TCF12: variants seen among roughly 807,000 people sequenced by gnomAD.
TCF12 encodes transcription factor 12.
A neutral mutation model predicts 86.0 loss-of-function variants in TCF12; 45 were observed. That is an observed-to-expected ratio of 0.52 (90% CI 0.41 to 0.67). The LOEUF (loss-of-function observed/expected upper bound fraction) is 0.67. Ranked by LOEUF, TCF12 falls within the 30% of genes least tolerant of loss-of-function variation. The probability of loss-of-function intolerance (pLI) is 0.00; values close to 1 mark genes in which losing one functional copy is unlikely to be tolerated. For synonymous variants in TCF12, 330 were observed against 299.6 expected (o/e 1.10, Z -1.05); for missense variants, 881 against 859.9 (o/e 1.02, Z -0.31).
chr15:57,063,710 T>G (rs2068632279), intron 3 of TCF12, 40 bp from the exon 4 acceptor site: 2 of 1,549,872 alleles, frequency 1.3e-6, no homozygotes, highest in South Asian at 1.2e-5. Flanking sequence ...TCCACAAAAG[T>G]ATGTTTTTAG....
intron 7 of TCF12, among the ~76,000 whole-genome samples, chr15:57,197,312 A>G (rs2057320902): frequency 6.6e-6 from 1 of 151,420 alleles, no homozygotes; most frequent in Non-Finnish European, 1.5e-5. Flanking sequence ...GCCCGCCACC[A>G]CGGCCAGTTA....
At chr15:57,064,573 T>G (rs2068708953) in intron 4 of TCF12, among the ~76,000 whole-genome samples, 1 of 151,908 alleles carries the variant, frequency 6.6e-6, no homozygotes. Context: ...GGCAGGTGGA[T>G]CACTACAAGT....
At chr15:57,075,828 C>CTCTCTT (rs1555498754) in intron 4 of TCF12, among the ~76,000 whole-genome samples, 2 of 71,300 alleles carry the variant, frequency 2.8e-5, no homozygotes, top group African/African-American at 6.5e-5. Flanking sequence ...CTCTCTCTCT[C>CTCTCTT]TCTCTCTTTT....
chr15:57,209,487 G>A (rs1414983050), intron 8 of TCF12, among the ~76,000 whole-genome samples: 2 of 152,204 alleles, frequency 1.3e-5, no homozygotes, highest in East Asian at 3.9e-4. Flanking sequence ...AATAAGTTAC[G>A]GTTTCATTGA....
Position 57,277,630 on chromosome 15 carries a change from A to C in TCF12, c.1978+4368A>C, listed in dbSNP as rs1258491293. 2.7e-5 allele frequency among the ~76,000 whole-genome samples: 4 copies of C among 150,542 alleles called. No homozygotes were observed. In the East Asian group the frequency reaches 7.8e-4, roughly 29 times the overall value. On this transcript the variant is annotated intron_variant, in intron 19 of 20. Transcript: ENST00000333725. Reference sequence around the variant, plus strand: ...GCGACAGAGTGAGACTCCATCTCAAAAAAAAAAAAAAAAAAAATTAAGTTG... The same window carrying C: ...GCGACAGAGTGAGACTCCATCTCAACAAAAAAAAAAAAAAAAATTAAGTTG...
intron 3 of TCF12, among the ~76,000 whole-genome samples, chr15:56,984,584 A>G (rs1430427132): frequency 3.3e-5 from 5 of 152,166 alleles, no homozygotes; most frequent in Admixed American, 3.3e-4. Context: ...CGGTCATAGC[A>G]CAGTATAGTT....
Position 57,091,841 on chromosome 15 carries a change from G to C in TCF12, c.275G>C (p.Gly92Ala), listed in dbSNP as rs1431436611. 6.2e-7 allele frequency: 1 copy of C among 1,613,728 alleles called. No individual in the cohort carries two copies. The highest frequency in any genetic ancestry group is 8.5e-7 in the Non-Finnish European group (1 of 1,179,836). The change falls in exon 5 of 21, where the codon GGA (glycine) becomes GCA (alanine). Residue 92 changes from glycine (G) to alanine (A), a missense_variant. Transcript: ENST00000333725. Reference sequence around the variant, plus strand: ...GATCACTTGAATGACAGTCGATTAGGAGCCCATGAAGGCTTGTCCCCAACA... The same window carrying C: ...GATCACTTGAATGACAGTCGATTAGCAGCCCATGAAGGCTTGTCCCCAACA... The part of the protein sequence containing the change: ...YSDHLNDSRL[G>A]AHEGLSPTPF...
rs16977212 is a variant in TCF12, at chr15:57,039,492, C to T, written c.149-24258C>T. ...ACCATTTGTGGAATTCAATTCATAC[C>T]TCTCCATCTACTTCAGCAAATGTTT... On this transcript the variant is annotated intron_variant, in intron 3 of 20. Transcript: ENST00000333725. Among the ~76,000 whole-genome samples, 619 of 152,256 alleles carry T rather than the reference C, an allele frequency of 4.1e-3. 7 individuals are homozygous for T. Among genetic ancestry groups the T allele is most frequent in the Admixed American group, 0.022 (335 of 15,284 alleles).
chr15:57,014,732 T>G (rs2065045081), intron 3 of TCF12, among the ~76,000 whole-genome samples: 2 of 152,144 alleles, frequency 1.3e-5, no homozygotes, highest in Non-Finnish European at 1.5e-5. Flanking sequence ...ACTCAGATTC[T>G]TCTGCAGGGT....
At position 57,158,184 on chromosome 15, in the gene TCF12, G is replaced by GTTTTTTTTTTTTTTTTTTTTT. The variant is rs374179677; in HGVS notation, c.326-8215_326-8214insTTTTTTTTTTTTTTTTTTTTT. On this transcript the variant is annotated intron_variant, in intron 5 of 20. Coordinates refer to ENST00000333725, the MANE Select transcript of TCF12 (RefSeq NM_207037.2). ...ACAGATGTTAAAGTCTCAGAAAGTC[G>GTTTTTTTTTTTTTTTTTTTTT]TTTCTTTTTTTTTTTTTTCTTTGAG... 4.5e-5 allele frequency among the ~76,000 whole-genome samples: 6 copies of GTTTTTTTTTTTTTTTTTTTTT among 134,086 alleles called. 1 individual carries two copies. Among genetic ancestry groups the GTTTTTTTTTTTTTTTTTTTTT allele is most frequent in the Non-Finnish European group, 4.8e-5 (3 of 62,334 alleles). 88.0% of individuals were successfully genotyped at this position (134,086 alleles called of 152,430 possible).
intron 4 of TCF12, among the ~76,000 whole-genome samples, chr15:57,081,158 G>A (rs1420684135): frequency 6.6e-6 from 1 of 152,128 alleles, no homozygotes; most frequent in East Asian, 1.9e-4. Flanking sequence ...TTGTTTTGTT[G>A]TTGCATTTTC....
intron 3 of TCF12, among the ~76,000 whole-genome samples, chr15:57,021,409 TTGG>T (rs2065472087): frequency 2.0e-5 from 3 of 152,136 alleles, no homozygotes; most frequent in Admixed American, 2.0e-4. Context: ...TCCCAGCACT[TTGG>T]GAGGCCCAGG....
At chr15:57,061,269 C>G (rs945118276) in intron 3 of TCF12, among the ~76,000 whole-genome samples, 2 of 152,010 alleles carry the variant, frequency 1.3e-5, no homozygotes, top group Non-Finnish European at 1.5e-5. Context: ...ACCCATCTTT[C>G]CTCTCTCTCT....
intron 3 of TCF12, among the ~76,000 whole-genome samples, chr15:56,966,706 A>G (rs1299743830): frequency 6.6e-6 from 1 of 152,252 alleles, no homozygotes; most frequent in Admixed American, 6.5e-5. Context: ...TCACATAGCA[A>G]AATTTGAGAA....
At chr15:57,078,444 T>C (rs990949783) in intron 4 of TCF12, among the ~76,000 whole-genome samples, 1 of 152,148 alleles carries the variant, frequency 6.6e-6, no homozygotes, top group Non-Finnish European at 1.5e-5. Flanking sequence ...GGTTATTCAG[T>C]TTATTAATAT....
chr15:56,999,401 A>T (rs1294935850), intron 3 of TCF12, among the ~76,000 whole-genome samples: 2 of 28,934 alleles, frequency 6.9e-5, no homozygotes, highest in Admixed American at 4.6e-4. Flanking sequence ...AAAAACTAGT[A>T]TCAGCAACCA....
intron 3 of TCF12, among the ~76,000 whole-genome samples, chr15:56,969,994 A>G (rs1267183058): frequency 6.6e-6 from 1 of 152,184 alleles, no homozygotes; most frequent in Admixed American, 6.5e-5. Flanking sequence ...TAAGAGTTAG[A>G]TGGAAGGAAT....
intron 5 of TCF12, among the ~76,000 whole-genome samples, chr15:57,147,731 T>C (rs2053457825): frequency 6.6e-6 from 1 of 152,052 alleles, no homozygotes; most frequent in Non-Finnish European, 1.5e-5. Context: ...AATACAAATA[T>C]GGAAAATGAT....
At chr15:57,150,926 CCTTCCTT>C (rs2053702751) in intron 5 of TCF12, among the ~76,000 whole-genome samples, 1 of 132,954 alleles carries the variant, frequency 7.5e-6, no homozygotes, top group Non-Finnish European at 1.6e-5. Context: ...TTCCTTCCTT[CCTTCCTT>C]CCTTCTTCCC....
Sources: allele counts gnomAD v4.1 joint callset (sites outside exome capture counted in the v4.1 genomes callset), GRCh38; gene constraint gnomAD v4.1.1; transcripts MANE v1.5; gene names NCBI Gene and HGNC (gene_info 2026-07-23, HGNC 2026-07-21).